The following ITPR2 variants were observed in gnomAD, a reference collection of about 807,000 sequenced individuals.
ITPR2 encodes the protein inositol 1,4,5-trisphosphate receptor type 2.
A neutral mutation model predicts 317.1 loss-of-function variants in ITPR2; 207 were observed. That is an observed-to-expected ratio of 0.65 (90% CI 0.58 to 0.73). ITPR2 has a LOEUF of 0.73. Ranked by LOEUF, ITPR2 falls within the 30% of genes least tolerant of loss-of-function variation. The probability of loss-of-function intolerance (pLI) is 0.00; values close to 1 mark genes in which losing one functional copy is unlikely to be tolerated. For missense variants in ITPR2, 2,613 were observed against 3,284.0 expected, an observed-to-expected ratio of 0.80 and a Z score of 4.99; for synonymous variants, 1,156 against 1,149.1, an observed-to-expected ratio of 1.01 and a Z score of -0.12.
At chr12:26,641,198 C>G (rs1946975783) in intron 21 of ITPR2, among the ~76,000 whole-genome samples, 1 of 150,912 alleles carries the variant, frequency 6.6e-6, no homozygotes, top group Non-Finnish European at 1.5e-5. Flanking sequence ...TTTTCTGAGA[C>G]AAGCCAAACA....
intron 26 of ITPR2, 40 bp downstream of exon 26, chr12:26,621,083 A>T: frequency 6.5e-7 from 1 of 1,543,356 alleles, no homozygotes; most frequent in Non-Finnish European, 8.9e-7. Flanking sequence ...GACTTAAAAG[A>T]CATCATTGGG....
chr12:26,632,187 T>C (rs1169158365), intron 21 of ITPR2, 128 bp from the exon 22 acceptor site: 1 of 547,110 alleles, frequency 1.8e-6, no homozygotes, highest in African/African-American at 1.9e-5. Flanking sequence ...CAGAATAGCA[T>C]AAGCATTGTT....
chr12:26,368,347 C>A (rs1398894567), intron 55 of ITPR2, among the ~76,000 whole-genome samples: 3 of 152,204 alleles, frequency 2.0e-5, no homozygotes, highest in African/African-American at 7.2e-5. Flanking sequence ...AAAGGTCTAT[C>A]TTAGATCTGT....
chr12:26,630,385 G>A (rs1343997284), intron 22 of ITPR2, among the ~76,000 whole-genome samples: 2 of 148,610 alleles, frequency 1.3e-5, no homozygotes, highest in African/African-American at 2.5e-5. Context: ...GGAAGAGAGA[G>A]AGAGAATGAG....
intron 21 of ITPR2, among the ~76,000 whole-genome samples, chr12:26,638,090 C>A (rs567297084): frequency 1.3e-5 from 2 of 152,116 alleles, no homozygotes; most frequent in African/African-American, 4.8e-5. Context: ...GTTTTACATC[C>A]CACACACTAA....
chr12:26,671,420 C>T (rs1184322901), intron 13 of ITPR2, among the ~76,000 whole-genome samples: 1 of 152,088 alleles, frequency 6.6e-6, no homozygotes, highest in Non-Finnish European at 1.5e-5. Context: ...AAAGAATTTT[C>T]AACCCAGAAT....
chr12:26,608,641 T>C (rs1010555451), intron 26 of ITPR2, among the ~76,000 whole-genome samples: 28 of 151,570 alleles, frequency 1.8e-4, no homozygotes, highest in African/African-American at 6.8e-4. Context: ...GGCCTCTGCC[T>C]GGCCCGCCCC....
chr12:26,532,640 C>A (rs1287466625), intron 37 of ITPR2, among the ~76,000 whole-genome samples: 1 of 152,030 alleles, frequency 6.6e-6, no homozygotes, highest in African/African-American at 2.4e-5. Context: ...ATGTATTTTG[C>A]ACACAATGGA....
At chr12:26,355,064 C>T (rs1341674742) in intron 55 of ITPR2, among the ~76,000 whole-genome samples, 2 of 152,030 alleles carry the variant, frequency 1.3e-5, no homozygotes, top group Non-Finnish European at 2.9e-5. Flanking sequence ...TCAGAAACTC[C>T]GGGGTTGAAG....
intron 55 of ITPR2, among the ~76,000 whole-genome samples, chr12:26,366,603 C>T (rs1939019533): frequency 2.0e-5 from 3 of 152,176 alleles, no homozygotes; most frequent in African/African-American, 7.2e-5. Context: ...AGAGAATACT[C>T]CTCTTCCCGT....
chr12:26,499,962 C>T (rs1565563710), intron 37 of ITPR2, among the ~76,000 whole-genome samples: 1 of 152,176 alleles, frequency 6.6e-6, no homozygotes, highest in Non-Finnish European at 1.5e-5. Flanking sequence ...TGTGCTAAGA[C>T]AAACTCTGGT....
chr12:26,516,270 A>AGGAAAGGAAAGGAAGGGAAGGGAAG (rs1943499154), intron 37 of ITPR2, among the ~76,000 whole-genome samples: 4 of 38,982 alleles, frequency 1.0e-4, no homozygotes, highest in Non-Finnish European at 1.1e-4. Flanking sequence ...AGGAAAGGAA[A>AGGAAAGGAAAGGAAGGGAAGGGAAG]GGAAGGGAAG....
chr12:26,527,261 A>C (rs1943830360), intron 37 of ITPR2, among the ~76,000 whole-genome samples: 2 of 152,138 alleles, frequency 1.3e-5, no homozygotes, highest in Admixed American at 6.5e-5. Flanking sequence ...TGGAGTACAA[A>C]CTTCTTGTGT....
chr12:26,780,728 C>T (rs895360550), intron 2 of ITPR2, among the ~76,000 whole-genome samples: 33 of 152,168 alleles, frequency 2.2e-4, no homozygotes, highest in Non-Finnish European at 4.3e-4. Context: ...GTCCAGGAAT[C>T]AAGGGGTGGA....
chr12:26,637,719 C>T (rs1435098467), intron 21 of ITPR2, among the ~76,000 whole-genome samples: 1 of 152,152 alleles, frequency 6.6e-6, no homozygotes, highest in African/African-American at 2.4e-5. Flanking sequence ...AATTATGTTC[C>T]ATTATAGTGG....
intron 2 of ITPR2, among the ~76,000 whole-genome samples, chr12:26,754,590 G>T (rs1229767206): frequency 6.6e-6 from 1 of 152,206 alleles, no homozygotes; most frequent in African/African-American, 2.4e-5. Context: ...GAAGCCATGG[G>T]AATGTGGATT....
At chr12:26,378,841 C>G (rs1939421594) in intron 55 of ITPR2, among the ~76,000 whole-genome samples, 1 of 152,208 alleles carries the variant, frequency 6.6e-6, no homozygotes, top group Non-Finnish European at 1.5e-5. Context: ...CCAACCAGCT[C>G]TGAACGAGTT....
At position 26,365,268 on chromosome 12, in the gene ITPR2, T is replaced by C. The variant is rs2136587101; in HGVS notation, c.7857+22166A>G. ...AAAATGTAATTTGAAGCTTAGTGAT[T>C]CCTGAAACCTGGGTACCTAACAAAA... On this transcript the variant is annotated intron_variant, in intron 55 of 56. Coordinates refer to ENST00000381340, the MANE Select transcript of ITPR2 (RefSeq NM_002223.4). Among the ~76,000 whole-genome samples, 3 of 152,342 alleles carry C rather than the reference T, an allele frequency of 2.0e-5. No homozygotes were observed. The South Asian group carries it at 6.2e-4, about 32-fold the overall frequency.
intron 55 of ITPR2, among the ~76,000 whole-genome samples, chr12:26,346,729 T>C (rs911871979): frequency 1.3e-5 from 2 of 151,300 alleles, no homozygotes; most frequent in Non-Finnish European, 2.9e-5. Context: ...AGAGCACCAA[T>C]CTATGAGTCA....
Sources: gnomAD v4.1 joint callset for allele counts (sites outside exome capture counted in the v4.1 genomes callset) on GRCh38, gnomAD v4.1.1 for gene constraint, MANE v1.5 for transcripts, NCBI Gene and HGNC (gene_info 2026-07-23, HGNC 2026-07-21) for gene names.